NBAS: variants seen among roughly 807,000 people sequenced by gnomAD.
NBAS encodes NAG/BC035112 fusion.
NBAS carries 219 observed loss-of-function variants against 302.5 expected under a neutral mutation model. That is an observed-to-expected ratio of 0.72 (90% confidence interval 0.65 to 0.81). The LOEUF (loss-of-function observed/expected upper bound fraction) is 0.81. Among genes scored for constraint, NBAS ranks in the 30% least tolerant of loss-of-function variants. The pLI, the probability that NBAS is intolerant of heterozygous loss-of-function variation, is 0.00. For synonymous variants in NBAS, 1,118 were observed against 1,021.6 expected, an observed-to-expected ratio of 1.09 and a Z score of -1.80; for missense variants, 2,932 against 2,841.6, an observed-to-expected ratio of 1.03 and a Z score of -0.72.
chr2:15,420,195 GACA>G (rs1239197717), intron 23 of NBAS, among the ~76,000 whole-genome samples: 1 of 152,134 alleles, frequency 6.6e-6, no homozygotes, highest in Non-Finnish European at 1.5e-5. Flanking sequence ...GAATGGTTAA[GACA>G]ACAACAAGAA....
intron 30 of NBAS, among the ~76,000 whole-genome samples, chr2:15,378,181 T>G (rs1358993621): frequency 6.6e-6 from 1 of 152,206 alleles, no homozygotes; most frequent in Admixed American, 6.5e-5. Context: ...AAATTGTCAG[T>G]TGCCTTGAGG....
At chr2:15,349,911 T>C (rs1020345711) in intron 35 of NBAS, among the ~76,000 whole-genome samples, 4 of 152,158 alleles carry the variant, frequency 2.6e-5, no homozygotes, top group Admixed American at 2.6e-4. Context: ...AGTGCAGGTA[T>C]GACATATTTC....
At chr2:15,231,794 A>G (rs986595167) in intron 47 of NBAS, among the ~76,000 whole-genome samples, 2 of 152,222 alleles carry the variant, frequency 1.3e-5, no homozygotes, top group Admixed American at 6.5e-5. Flanking sequence ...CAATTAAAGA[A>G]AGAAAATTGG....
intron 44 of NBAS, among the ~76,000 whole-genome samples, chr2:15,256,710 ATTACCTT>A (rs1370729237): frequency 6.6e-6 from 1 of 152,064 alleles, no homozygotes; most frequent in African/African-American, 2.4e-5. Flanking sequence ...GATGCCTTTT[ATTACCTT>A]GAGGTATGTC....
chr2:14,847,740 A>G, the NBAS span, among the ~76,000 whole-genome samples: 2 of 152,174 alleles, frequency 1.3e-5, no homozygotes, highest in Non-Finnish European at 2.9e-5. Context: ...CAGAAAACCA[A>G]CGAAGAAACA....
the NBAS span, among the ~76,000 whole-genome samples, chr2:14,792,971 A>G: frequency 1.2e-3 from 182 of 152,302 alleles, no homozygotes; most frequent in Non-Finnish European, 1.5e-3. Flanking sequence ...ATTAAGGTTC[A>G]ATAAAGTCAT....
chr2:15,313,832 C>T lies in NBAS; in HGVS notation c.4583-4585G>A, dbSNP rs554372451. Among the ~76,000 whole-genome samples, 26 of 152,320 alleles carry T rather than the reference C, an allele frequency of 1.7e-4. No individual in the cohort carries two copies. The South Asian group carries it at 3.5e-3, about 21-fold the overall frequency. On this transcript the variant is annotated intron_variant, in intron 38 of 51. Transcript: ENST00000281513. ...CAAAATTATTTTGACCAGTTAAAGA[C>T]TTCATTCATGAGTTGACTCCTCAGA...
chr2:15,038,348 T>C, the NBAS span, among the ~76,000 whole-genome samples: 124,209 of 151,708 alleles, frequency 0.82, 51,210 homozygotes, highest in East Asian at 1. Context: ...CCTGACCTTG[T>C]GATTCGCCTG....
At chr2:15,535,778 TATCA>T (rs940553484) in intron 8 of NBAS, among the ~76,000 whole-genome samples, 5 of 152,202 alleles carry the variant, frequency 3.3e-5, no homozygotes, top group African/African-American at 1.2e-4. Context: ...CAATCCACAG[TATCA>T]AATCTACAAA....
At chr2:14,951,256 G>C in the NBAS span, among the ~76,000 whole-genome samples, 6 of 152,292 alleles carry the variant, frequency 3.9e-5, no homozygotes, top group East Asian at 3.9e-4. Context: ...ATGAGGAAGA[G>C]AGTGATCCAG....
intron 47 of NBAS, among the ~76,000 whole-genome samples, chr2:15,219,392 T>C (rs893092387): frequency 1.4e-5 from 2 of 145,434 alleles, no homozygotes; most frequent in African/African-American, 2.6e-5. Flanking sequence ...GGCAGGGTCA[T>C]AGGACAACAG....
the NBAS span, among the ~76,000 whole-genome samples, chr2:15,062,961 G>A: frequency 6.6e-6 from 1 of 152,212 alleles, no homozygotes; most frequent in Non-Finnish European, 1.5e-5. Flanking sequence ...AGTGCCCTCT[G>A]TAGCCAACTC....
rs982419443 is a variant in NBAS, at chr2:15,424,581, T to C, written c.2424-113A>G. The C allele has an allele frequency of 4.1e-6, 5 of 1,223,760 alleles. No individual in the cohort carries two copies. In the Admixed American group the frequency reaches 8.5e-5, roughly 21 times the overall value. 75.8% of individuals were successfully genotyped at this position (1,223,760 alleles called of 1,614,324 possible). A position where few individuals can be genotyped will look rare whatever the true frequency, so the allele number is the denominator to read the frequency against. ...GGGAGAAAGTAAGAGACAGGGAGCA[T>C]ACATGTATGTGGTTTGTGTATCTAT... On this transcript the variant is annotated intron_variant, in intron 22 of 51. Transcript: ENST00000281513.
chr2:15,012,456 G>A, the NBAS span, among the ~76,000 whole-genome samples: 1 of 152,106 alleles, frequency 6.6e-6, no homozygotes, highest in East Asian at 1.9e-4. Context: ...AGAAAGAGAA[G>A]AAAAGAGGAA....
chr2:15,261,355 A>C (rs980105942), intron 44 of NBAS, among the ~76,000 whole-genome samples: 1 of 152,246 alleles, frequency 6.6e-6, no homozygotes, highest in African/African-American at 2.4e-5. Context: ...AATATTACGC[A>C]AATGAAAGTG....
chr2:15,074,654 A>G, the NBAS span, among the ~76,000 whole-genome samples: 1 of 152,154 alleles, frequency 6.6e-6, no homozygotes, highest in African/African-American at 2.4e-5. Flanking sequence ...ATATAACTAT[A>G]ATAGGGGAAA....
chr2:15,072,292 G>A, the NBAS span, among the ~76,000 whole-genome samples: 1 of 152,072 alleles, frequency 6.6e-6, no homozygotes, highest in Non-Finnish European at 1.5e-5. Context: ...TTATTTATTG[G>A]CCATTTGTAT....
chr2:15,513,571 C>G (rs546417020), intron 9 of NBAS, among the ~76,000 whole-genome samples: 1 of 148,620 alleles, frequency 6.7e-6, no homozygotes, highest in African/African-American at 2.5e-5. Flanking sequence ...TCAACAAAAA[C>G]TAGACAGTGA....
At chr2:14,842,846 C>CAAAAAAAAAAAA in the NBAS span, among the ~76,000 whole-genome samples, 1 of 74,034 alleles carries the variant, frequency 1.4e-5, no homozygotes, top group Non-Finnish European at 3.0e-5. Context: ...CAGAAAATGA[C>CAAAAAAAAAAAA]AAAAAAAAAA....
Sources: allele counts gnomAD v4.1 joint callset (sites outside exome capture counted in the v4.1 genomes callset), GRCh38; gene constraint gnomAD v4.1.1; transcripts MANE v1.5; gene names NCBI Gene and HGNC (gene_info 2026-07-23, HGNC 2026-07-21).